Variants in RIOX2 observed in about 807,000 individuals in gnomAD.
The protein encoded by RIOX2 is 60S ribosomal protein L27a histidine hydroxylase.
RIOX2 carries 43 observed loss-of-function variants against 51.2 expected under a neutral mutation model. The observed-to-expected ratio is 0.84, with a 90% CI of 0.66 to 1.08. The LOEUF (loss-of-function observed/expected upper bound fraction) is 1.08. Among genes scored for constraint, RIOX2 ranks in the 50% least tolerant of loss-of-function variants. The pLI is 0.00. For synonymous variants in RIOX2, 226 were observed against 218.5 expected (o/e 1.03, Z -0.30); for missense variants, 566 against 561.7 (o/e 1.01, Z -0.08).
intron 3 of RIOX2, among the ~76,000 whole-genome samples, chr3:97,960,933 A>G (rs566794177): frequency 1.3e-5 from 2 of 152,264 alleles, no homozygotes; most frequent in African/African-American, 2.4e-5. Context: ...AATATTAAAA[A>G]TAACATTTTG....
chr3:97,953,410 T>G (rs1229848581), intron 5 of RIOX2, among the ~76,000 whole-genome samples: 1 of 151,988 alleles, frequency 6.6e-6, no homozygotes, highest in African/African-American at 2.4e-5. Context: ...AGACAGGGTC[T>G]CGCTCTGTCG....
chr3:97,964,719 AAAGAAGG>A (rs1705814688), intron 2 of RIOX2, among the ~76,000 whole-genome samples: 1 of 118,818 alleles, frequency 8.4e-6, no homozygotes, highest in African/African-American at 2.9e-5. Flanking sequence ...AAAAAAAAAA[AAAGAAGG>A]AAAGAAAAAA....
intron 4 of RIOX2, among the ~76,000 whole-genome samples, chr3:97,957,245 T>TGGA (rs1158307255): frequency 6.6e-6 from 1 of 152,104 alleles, no homozygotes; most frequent in Non-Finnish European, 1.5e-5. Flanking sequence ...ACGCCTGTAA[T>TGGA]CCCAGCACTT....
chr3:97,949,417 C>T (rs1705150071), intron 7 of RIOX2, among the ~76,000 whole-genome samples: 1 of 152,124 alleles, frequency 6.6e-6, no homozygotes, highest in Admixed American at 6.6e-5. Flanking sequence ...AGACCATGAG[C>T]CAAATAAACT....
chr3:97,954,879 A>G (rs1705396355), intron 4 of RIOX2, among the ~76,000 whole-genome samples: 1 of 152,174 alleles, frequency 6.6e-6, no homozygotes, highest in Admixed American at 6.5e-5. Context: ...GCTTGAATTT[A>G]GAGTCACACA....
In RIOX2 at chr3:97,961,698, CA is replaced by C. The variant is rs1211759588; in HGVS notation, c.442del (p.Trp148GlyfsTer21). On this transcript the variant is annotated frameshift_variant, in exon 3 of 10. Transcript: ENST00000394198. LOFTEE classifies it high-confidence loss of function. ...ACATTCCAGCTTCTCCTGGATCCTCCAAAGCTCATCCTTTACAAAAAAGGAA... is the reference window on the plus strand; with the variant it reads ...ACATTCCAGCTTCTCCTGGATCCTCCAAGCTCATCCTTTACAAAAAAGGAA... ...HQPQRFKDEL[W>X]RIQEKLECYF... 2 of 1,601,848 alleles carry C rather than the reference CA, an allele frequency of 1.2e-6. No individual in the cohort carries two copies. The highest frequency in any genetic ancestry group is 2.7e-5 in the African/African-American group (2 of 74,052).
chr3:97,960,994 T>G (rs2107177512), intron 3 of RIOX2, among the ~76,000 whole-genome samples: 1 of 152,346 alleles, frequency 6.6e-6, no homozygotes, highest in South Asian at 2.1e-4. Context: ...AGGGGACTTT[T>G]TACCAATAAC....
chr3:97,965,302 A>G (rs1482616506), intron 2 of RIOX2, among the ~76,000 whole-genome samples: 5 of 151,410 alleles, frequency 3.3e-5, no homozygotes, highest in Admixed American at 2.0e-4. Flanking sequence ...ACCTGAGGGC[A>G]GAAGTTCGAG....
At chr3:97,949,225 C>T (rs1169931017) in intron 7 of RIOX2, among the ~76,000 whole-genome samples, 2 of 152,048 alleles carry the variant, frequency 1.3e-5, no homozygotes, top group Non-Finnish European at 2.9e-5. Flanking sequence ...CGGTGAGTGA[C>T]TTCTTGTTCC....
At position 97,942,176 on chromosome 3, in the gene RIOX2, C is replaced by A; in HGVS notation, c.*3008G>T. ...ATATAGTATTTTTTTAGATAAGACA[C>A]ACACACACTTCATGTCTATGACTTG... On this transcript the variant is annotated 3_prime_UTR_variant, in exon 10 of 10. Transcript: ENST00000394198. 1 of 903,058 alleles carries A rather than the reference C, an allele frequency of 1.1e-6. No homozygotes were observed. Among genetic ancestry groups the A allele is most frequent in the Non-Finnish European group, 1.6e-6 (1 of 617,338 alleles). The allele number at this position is 903,058 out of a possible 1,614,324, so 55.9% of individuals were successfully genotyped here. A position where few individuals can be genotyped will look rare whatever the true frequency, so the allele number is the denominator to read the frequency against.
intron 3 of RIOX2, 138 bp downstream of exon 3, chr3:97,961,449 ATC>A: frequency 1.1e-6 from 1 of 876,836 alleles, no homozygotes; most frequent in Non-Finnish European, 1.6e-6. Flanking sequence ...TGAAATCAAT[ATC>A]TCAGAAACTG....
chr3:97,949,173 G>A (rs933003993), intron 7 of RIOX2, among the ~76,000 whole-genome samples: 15 of 152,114 alleles, frequency 9.9e-5, no homozygotes, highest in African/African-American at 3.6e-4. Flanking sequence ...ACATTGTGGG[G>A]AGCAGATCCC....
At chr3:97,946,379 C>A (rs1054805583) in intron 8 of RIOX2, among the ~76,000 whole-genome samples, 10 of 151,806 alleles carry the variant, frequency 6.6e-5, no homozygotes, top group African/African-American at 2.4e-4. Flanking sequence ...AATTACACTA[C>A]CCTCCCAAAT....
Position 97,942,201 on chromosome 3 carries a change from G to C in RIOX2, c.*2983C>G. The C allele has an allele frequency of 1.6e-6, 2 of 1,244,526 alleles. No individual in the cohort carries two copies. The highest frequency in any genetic ancestry group is 2.2e-6 in the Non-Finnish European group (2 of 895,680). 77.1% of individuals were successfully genotyped at this position (1,244,526 alleles called of 1,614,324 possible). A position where few individuals can be genotyped will look rare whatever the true frequency, so the allele number is the denominator to read the frequency against. The stretch of plus-strand genomic sequence containing the variant: ...CACACACACTTCATGTCTATGACTT[G>C]TTTACCTAAGATAAAAGGGACCTAA... On this transcript the variant is annotated 3_prime_UTR_variant, in exon 10 of 10. Coordinates refer to ENST00000394198, the MANE Select transcript of RIOX2 (RefSeq NM_153182.4).
At chr3:97,961,298 C>T (rs1367518497) in intron 3 of RIOX2, among the ~76,000 whole-genome samples, 1 of 152,198 alleles carries the variant, frequency 6.6e-6, no homozygotes, top group Non-Finnish European at 1.5e-5. Context: ...GCCAAGCACA[C>T]CTTTCTGTAG....
chr3:97,959,103 C>T lies in RIOX2; in HGVS notation c.629G>A (p.Ser210Asn). The change falls in exon 4 of 10, where the codon AGC becomes AAC. Residue 210 changes from serine to asparagine, a missense_variant. Physicochemically the swap from Ser to Asn is conservative, Grantham distance 46. Coordinates refer to ENST00000394198, the MANE Select transcript of RIOX2 (RefSeq NM_153182.4). Reference sequence around the variant, plus strand: ...GCCGATCCTTTCCTCGGCCTCCACGCTGTACTCTCGTGCCAGGGGCACAGT... The same window carrying T: ...GCCGATCCTTTCCTCGGCCTCCACGTTGTACTCTCGTGCCAGGGGCACAGT... Reference protein sequence around the residue: ...HPTVPLAREYSVEAEERIGRP... With the variant: ...HPTVPLAREYNVEAEERIGRP... 6.2e-7 allele frequency: 1 copy of T among 1,613,982 alleles called. No individual in the cohort carries two copies. Among genetic ancestry groups the T allele is most frequent in the Non-Finnish European group, 8.5e-7 (1 of 1,179,938 alleles).
At chr3:97,951,022 C>T in intron 5 of RIOX2, 134 bp from the exon 6 acceptor site, 1 of 639,174 alleles carries the variant, frequency 1.6e-6, no homozygotes, top group East Asian at 2.8e-5. Context: ...ATTTTGAGTT[C>T]CATTAATTGG....
At chr3:97,956,726 C>T (rs1705464200) in intron 4 of RIOX2, among the ~76,000 whole-genome samples, 1 of 152,096 alleles carries the variant, frequency 6.6e-6, no homozygotes, top group South Asian at 2.1e-4. Flanking sequence ...AACTCCTGAC[C>T]TCAGGTGATC....
chr3:97,941,915 A>G lies in RIOX2; in HGVS notation c.*3269T>C, dbSNP rs1309628716. On this transcript the variant is annotated 3_prime_UTR_variant, in exon 10 of 10. Coordinates refer to ENST00000394198, the MANE Select transcript of RIOX2 (RefSeq NM_153182.4). ...TTTTAAAAGTAATTATTGTCTGGAT[A>G]TCTTTAGCCCATCATGCAATGTTTT... 6.2e-6 allele frequency: 1 copy of G among 160,498 alleles called. No individual in the cohort carries two copies. The highest frequency in any genetic ancestry group is 2.4e-5 in the African/African-American group (1 of 41,794). 9.9% of individuals were successfully genotyped at this position (160,498 alleles called of 1,614,324 possible). A position where few individuals can be genotyped will look rare whatever the true frequency, so the allele number is the denominator to read the frequency against.
Sources: allele counts gnomAD v4.1 joint callset (sites outside exome capture counted in the v4.1 genomes callset), GRCh38; gene constraint gnomAD v4.1.1; transcripts MANE v1.5; gene names NCBI Gene and HGNC (gene_info 2026-07-23, HGNC 2026-07-21).